RIT2: variants seen among roughly 807,000 people sequenced by gnomAD.
RIT2 encodes GTP-binding protein Rit2.
RIT2 carries 24 observed loss-of-function variants against 23.7 expected under a neutral mutation model. The observed-to-expected ratio is 1.01, with a 90% confidence interval of 0.73 to 1.43. The LOEUF (loss-of-function observed/expected upper bound fraction) is 1.43, where lower values mean the gene tolerates loss of function less well. RIT2 is among the 40% of genes most tolerant of loss of function. The pLI, the probability that RIT2 is intolerant of heterozygous loss-of-function variation, is 0.00. For missense variants in RIT2, 236 were observed against 266.9 expected, an observed-to-expected ratio of 0.88 and a Z score of 0.81; for synonymous variants, 107 against 91.1, an observed-to-expected ratio of 1.17 and a Z score of -0.99.
At chr18:43,027,990 C>G (rs1229920798) in intron 2 of RIT2, among the ~76,000 whole-genome samples, 1 of 152,046 alleles carries the variant, frequency 6.6e-6, no homozygotes, top group Admixed American at 6.6e-5. Flanking sequence ...TAAACATGCA[C>G]TGTGTGAGGT....
intron 3 of RIT2, among the ~76,000 whole-genome samples, chr18:42,959,755 A>T (rs1426165503): frequency 6.6e-6 from 1 of 152,220 alleles, no homozygotes; most frequent in African/African-American, 2.4e-5. Flanking sequence ...TTAGAGGCTT[A>T]TCTGTCCCAT....
chr18:42,903,528 C>T (rs115174953), intron 4 of RIT2, among the ~76,000 whole-genome samples: 2,275 of 152,028 alleles, frequency 0.015, 50 homozygotes, highest in African/African-American at 0.052. Context: ...AAACTTGACA[C>T]AATTTTTATG....
chr18:42,897,226 C>A (rs980236801), intron 4 of RIT2, among the ~76,000 whole-genome samples: 6 of 152,196 alleles, frequency 3.9e-5, no homozygotes, highest in Non-Finnish European at 8.8e-5. Context: ...TACCTCCCAA[C>A]ACACTAGTTA....
chr18:42,761,856 T>G (rs1913311119), intron 4 of RIT2, among the ~76,000 whole-genome samples: 1 of 152,146 alleles, frequency 6.6e-6, no homozygotes, highest in South Asian at 2.1e-4. Flanking sequence ...AATTTGCTCT[T>G]GAGATCAGCA....
chr18:42,939,131 G>A (rs978480896), intron 3 of RIT2, among the ~76,000 whole-genome samples: 4 of 152,220 alleles, frequency 2.6e-5, no homozygotes, highest in South Asian at 2.1e-4. Flanking sequence ...TATTGAGAAC[G>A]TAAGAAAGCA....
chr18:43,074,136 G>T (rs1263150139), intron 1 of RIT2, among the ~76,000 whole-genome samples: 1 of 152,050 alleles, frequency 6.6e-6, no homozygotes, highest in African/African-American at 2.4e-5. Context: ...ATAATCTTTT[G>T]CTATTTAGGA....
intron 1 of RIT2, among the ~76,000 whole-genome samples, chr18:43,112,125 G>A (rs1467790746): frequency 3.3e-5 from 5 of 151,964 alleles, no homozygotes; most frequent in African/African-American, 7.2e-5. Flanking sequence ...TATAACATTC[G>A]AGACCTAGGA....
At chr18:43,083,339 A>T (rs1481525716) in intron 1 of RIT2, among the ~76,000 whole-genome samples, 1 of 152,220 alleles carries the variant, frequency 6.6e-6, no homozygotes, top group African/African-American at 2.4e-5. Context: ...TAGACTTATC[A>T]AGCTACCATT....
chr18:42,883,048 A>C (rs1907934035), intron 4 of RIT2, among the ~76,000 whole-genome samples: 1 of 152,176 alleles, frequency 6.6e-6, no homozygotes, highest in Admixed American at 6.5e-5. Flanking sequence ...AAAAACCAAT[A>C]GATACGTGTT....
At chr18:43,060,012 C>T (rs1912606540) in intron 1 of RIT2, among the ~76,000 whole-genome samples, 1 of 152,118 alleles carries the variant, frequency 6.6e-6, no homozygotes, top group Non-Finnish European at 1.5e-5. Context: ...GACAATTAGG[C>T]TTAAAGCACA....
intron 3 of RIT2, among the ~76,000 whole-genome samples, chr18:42,937,225 T>A (rs1156500403): frequency 6.6e-6 from 1 of 152,160 alleles, no homozygotes; most frequent in Non-Finnish European, 1.5e-5. Flanking sequence ...ATGGTTTGCC[T>A]CTGAAAAAGG....
intron 3 of RIT2, among the ~76,000 whole-genome samples, chr18:42,969,590 T>C (rs1910315352): frequency 6.6e-6 from 1 of 151,958 alleles, no homozygotes; most frequent in Middle Eastern, 3.2e-3. Context: ...TTTCCCATTG[T>C]TCCAGAATGA....
intron 4 of RIT2, among the ~76,000 whole-genome samples, chr18:42,884,495 A>G (rs940715052): frequency 3.9e-5 from 6 of 152,156 alleles, no homozygotes; most frequent in Admixed American, 2.6e-4. Context: ...ATGGCTGTTC[A>G]TGTTATGTAG....
chr18:43,058,130 AC>A (rs1912552789), intron 1 of RIT2, among the ~76,000 whole-genome samples: 2 of 152,186 alleles, frequency 1.3e-5, no homozygotes, highest in South Asian at 4.1e-4. Context: ...CTGCCATGGT[AC>A]ATGGCTTAGA....
chr18:42,817,006 C>T (rs897186558), intron 4 of RIT2, among the ~76,000 whole-genome samples: 1 of 152,026 alleles, frequency 6.6e-6, no homozygotes, highest in Non-Finnish European at 1.5e-5. Flanking sequence ...AACAAGCTTT[C>T]AGGGGGAAGC....
chr18:42,943,925 C>CT (rs1290917618), intron 3 of RIT2, among the ~76,000 whole-genome samples: 2 of 152,118 alleles, frequency 1.3e-5, no homozygotes, highest in African/African-American at 4.8e-5. Context: ...AATCCAACTA[C>CT]TTTTTTCTTT....
intron 4 of RIT2, among the ~76,000 whole-genome samples, chr18:42,788,259 G>A (rs2143942074): frequency 6.6e-6 from 1 of 152,192 alleles, no homozygotes; most frequent in South Asian, 2.1e-4. Context: ...AAAATATACG[G>A]AGAAAATCTG....
chr18:43,086,603 A>G (rs1201585599), intron 1 of RIT2, among the ~76,000 whole-genome samples: 2 of 152,118 alleles, frequency 1.3e-5, no homozygotes, highest in Non-Finnish European at 2.9e-5. Context: ...AAGGCTGGGG[A>G]TGAAGACCAC....
chr18:42,757,591 T>A (rs1312251863), intron 4 of RIT2, among the ~76,000 whole-genome samples: 2 of 152,212 alleles, frequency 1.3e-5, no homozygotes, highest in African/African-American at 4.8e-5. Flanking sequence ...CTACGTTTTC[T>A]GGCCTTACAC....
Sources: allele counts gnomAD v4.1 joint callset (sites outside exome capture counted in the v4.1 genomes callset), GRCh38; gene constraint gnomAD v4.1.1; transcripts MANE v1.5; gene names NCBI Gene and HGNC (gene_info 2026-07-23, HGNC 2026-07-21).